LPGAT1: variants seen among roughly 807,000 people sequenced by gnomAD.
LPGAT1 encodes acyl-CoA:lysophosphatidylglycerol acyltransferase 1.
A neutral mutation model predicts 47.5 loss-of-function variants in LPGAT1; 11 were observed. That is an observed-to-expected ratio of 0.23 (90% CI 0.15 to 0.38). LPGAT1 has a LOEUF of 0.38. LPGAT1 is among the 10% of genes least tolerant of loss of function. The pLI, the probability that LPGAT1 is intolerant of heterozygous loss-of-function variation, is 1.00. For missense variants in LPGAT1, 293 were observed against 439.0 expected (o/e 0.67, Z 2.97); for synonymous variants, 138 against 144.2 (o/e 0.96, Z 0.31).
rs553502499 is a variant in LPGAT1, at chr1:211,757,283, G to T, written c.855-6216C>A. Among the ~76,000 whole-genome samples, 7 of 151,934 alleles carry T rather than the reference G, an allele frequency of 4.6e-5. No homozygotes were observed. The East Asian group carries it at 9.7e-4, about 21-fold the overall frequency. ...AAAAAAAAAAGCTATTGGGCAGACT[G>T]CCTGGGGTTGAATCCTGACTCTACC... On this transcript the variant is annotated intron_variant, in intron 6 of 7. Coordinates refer to ENST00000366997, the MANE Select transcript of LPGAT1 (RefSeq NM_014873.3).
At chr1:211,826,639 TACAC>T (rs1660551848) in intron 2 of LPGAT1, among the ~76,000 whole-genome samples, 1 of 150,652 alleles carries the variant, frequency 6.6e-6, no homozygotes, top group Non-Finnish European at 1.5e-5. Flanking sequence ...TCACTCATAT[TACAC>T]GGAATGTCAT....
At chr1:211,829,455 T>TG (rs1044685131) in intron 1 of LPGAT1, 132 bp from the exon 2 acceptor site, 1 of 1,450,196 alleles carries the variant, frequency 6.9e-7, no homozygotes, top group Non-Finnish European at 9.0e-7. Context: ...AGTACCTCGG[T>TG]GATCTCTCAG....
intron 2 of LPGAT1, among the ~76,000 whole-genome samples, chr1:211,814,591 T>C (rs1660106897): frequency 6.6e-6 from 1 of 152,170 alleles, no homozygotes; most frequent in Admixed American, 6.5e-5. Context: ...AAGAACAGTT[T>C]CCTAATACAC....
At chr1:211,751,143 T>G in intron 6 of LPGAT1, 76 bp from the exon 7 acceptor site, 2 of 902,886 alleles carry the variant, frequency 2.2e-6, no homozygotes, top group East Asian at 2.6e-5. Flanking sequence ...CAACTTATGA[T>G]GAAAAGCTGA....
chr1:211,756,534 A>C (rs911371226), intron 6 of LPGAT1, among the ~76,000 whole-genome samples: 2 of 152,116 alleles, frequency 1.3e-5, no homozygotes, highest in Non-Finnish European at 2.9e-5. Context: ...GGGTTTCCCC[A>C]TATTGCCCAG....
intron 4 of LPGAT1, among the ~76,000 whole-genome samples, chr1:211,784,281 TA>T (rs1658756609): frequency 6.6e-6 from 1 of 151,794 alleles, no homozygotes. Flanking sequence ...TATTTCTGTT[TA>T]AAAAAATCTG....
intron 4 of LPGAT1, among the ~76,000 whole-genome samples, chr1:211,785,678 C>T (rs1354019562): frequency 6.6e-6 from 1 of 151,044 alleles, no homozygotes; most frequent in Non-Finnish European, 1.5e-5. Flanking sequence ...GCAATCTCGG[C>T]CCACTGCAAC....
At chr1:211,829,523 A>T in intron 1 of LPGAT1, 200 bp from the exon 2 acceptor site, 2 of 1,417,260 alleles carry the variant, frequency 1.4e-6, no homozygotes, top group Non-Finnish European at 1.8e-6. Flanking sequence ...AGGTCAAGGG[A>T]GCTGTTCACC....
rs554623135 is a variant in LPGAT1 at position 211,754,907 on chromosome 1, A to T, written c.855-3840T>A. On this transcript the variant is annotated intron_variant, in intron 6 of 7. Transcript: ENST00000366997. Reference sequence around the variant, plus strand: ...GCAGGCGCCTGTAATCCCAGCTACTAGGTAGGCTGAGGCAGAGAACTGCTT... The same window carrying T: ...GCAGGCGCCTGTAATCCCAGCTACTTGGTAGGCTGAGGCAGAGAACTGCTT... 2.0e-5 allele frequency among the ~76,000 whole-genome samples: 3 copies of T among 151,514 alleles called. No individual in the cohort carries two copies. In the South Asian group the frequency reaches 6.3e-4, roughly 32 times the overall value.
intron 2 of LPGAT1, among the ~76,000 whole-genome samples, chr1:211,810,163 T>A (rs1033089104): frequency 4.6e-5 from 7 of 152,172 alleles, no homozygotes; most frequent in Admixed American, 6.5e-5. Context: ...ATAATTAATT[T>A]ACACCACCTC....
chr1:211,743,781 G>C lies in LPGAT1; in HGVS notation c.*6118C>G, dbSNP rs1656840719. The C allele has an allele frequency of 6.6e-6, 1 of 152,070 alleles. No individual in the cohort carries two copies. The highest frequency in any genetic ancestry group is 2.1e-4 in the South Asian group (1 of 4,820). 9.4% of individuals were successfully genotyped at this position (152,070 alleles called of 1,614,324 possible). Reference sequence around the variant, plus strand: ...GTAGTTCCAGGGGAAAAAGAAATTAGAATCTCACCAAAACAGCAGCCTAAA... The same window carrying C: ...GTAGTTCCAGGGGAAAAAGAAATTACAATCTCACCAAAACAGCAGCCTAAA... On this transcript the variant is annotated 3_prime_UTR_variant, in exon 8 of 8. Coordinates refer to ENST00000366997, the MANE Select transcript of LPGAT1 (RefSeq NM_014873.3).
At chr1:211,797,944 C>A (rs1203906844) in intron 2 of LPGAT1, among the ~76,000 whole-genome samples, 1 of 152,064 alleles carries the variant, frequency 6.6e-6, no homozygotes, top group Non-Finnish European at 1.5e-5. Context: ...TTATCATCTA[C>A]TACATACACA....
chr1:211,808,980 G>A (rs1331123362), intron 2 of LPGAT1, among the ~76,000 whole-genome samples: 4 of 151,626 alleles, frequency 2.6e-5, no homozygotes, highest in South Asian at 2.1e-4. Context: ...GGCGGATCAC[G>A]AGGTCAGGAG....
chr1:211,800,953 A>G (rs1201295506), intron 2 of LPGAT1, among the ~76,000 whole-genome samples: 2 of 152,258 alleles, frequency 1.3e-5, no homozygotes, highest in East Asian at 1.9e-4. Context: ...GATCACCTCA[A>G]GAGGAAAGAC....
Position 211,830,419 on chromosome 1 carries a change from C to CCTCCTCCCCGGGGCCTACCGCGCCCTCGT in LPGAT1, c.-28+125_-28+153dup. On this transcript the variant is annotated intron_variant, in intron 1 of 7. Transcript: ENST00000366997. This position sits in a 1 kb window ranked among gnomAD's most constrained non-coding sequence, Gnocchi z 5.9. ...GGCGGGCGGATGCCCCGCGCCCCCG[C>CCTCCTCCCCGGGGCCTACCGCGCCCTCGT]CTCCTCCCCGGGGCCTACCGCGCCC... is the stretch of plus-strand genomic sequence containing the variant. The CCTCCTCCCCGGGGCCTACCGCGCCCTCGT allele has an allele frequency of 1.7e-6, 2 of 1,176,160 alleles. No individual in the cohort carries two copies. Among genetic ancestry groups the CCTCCTCCCCGGGGCCTACCGCGCCCTCGT allele is most frequent in the Non-Finnish European group, 1.1e-6 (1 of 950,642 alleles). 72.9% of individuals were successfully genotyped at this position (1,176,160 alleles called of 1,614,324 possible). A position where few individuals can be genotyped will look rare whatever the true frequency, so the allele number is the denominator to read the frequency against.
intron 6 of LPGAT1, among the ~76,000 whole-genome samples, chr1:211,763,563 GAT>G (rs1454507778): frequency 6.6e-6 from 1 of 152,098 alleles, no homozygotes; most frequent in Admixed American, 6.5e-5. Flanking sequence ...AATTAACTTA[GAT>G]ATAGGATTTT....
intron 2 of LPGAT1, among the ~76,000 whole-genome samples, chr1:211,808,968 T>A (rs2066297): frequency 6.6e-6 from 1 of 151,830 alleles, no homozygotes; most frequent in African/African-American, 2.4e-5. Context: ...GAGGCTGAGG[T>A]GGGCGGATCA....
In LPGAT1 at chr1:211,784,958, C is replaced by T. The variant is rs561450955; in HGVS notation, c.454-1456G>A. The stretch of plus-strand genomic sequence containing the variant: ...AGCTGGGACTACAGGCGCCTGCCAC[C>T]ACACCCGGCTAATTTTTTTTGTTTT... On this transcript the variant is annotated intron_variant, in intron 4 of 7. Transcript: ENST00000366997. 3.4e-4 allele frequency among the ~76,000 whole-genome samples: 52 copies of T among 152,132 alleles called. No homozygotes were observed. The East Asian group carries it at 6.2e-3, about 18-fold the overall frequency.
In LPGAT1 at chr1:211,829,182, AG is replaced by A; in HGVS notation, c.114del (p.Tyr39MetfsTer2). On this transcript the variant is annotated frameshift_variant, in exon 2 of 8. Coordinates refer to ENST00000366997, the MANE Select transcript of LPGAT1 (RefSeq NM_014873.3). LOFTEE classifies it high-confidence loss of function. ...CGAAGGGGCTGAAGTATAATTACAT[AG>A]CAGATGTAGGATGGAATAGCAACCA... is the stretch of plus-strand genomic sequence containing the variant. ...NNLVAIPSYICYVIILQPLRV... is the reference protein window; with the variant it reads ...NNLVAIPSYIXYVIILQPLRV... 6.2e-7 allele frequency: 1 copy of A among 1,614,214 alleles called. No homozygotes were observed. Among genetic ancestry groups the A allele is most frequent in the Non-Finnish European group, 8.5e-7 (1 of 1,180,038 alleles).
Sources: gnomAD v4.1 joint callset for allele counts (sites outside exome capture counted in the v4.1 genomes callset) on GRCh38, gnomAD v4.1.1 for gene constraint, Gnocchi (gnomAD v3.1) non-coding constraint, MANE v1.5 for transcripts, NCBI Gene and HGNC (gene_info 2026-07-23, HGNC 2026-07-21) for gene names.